The following KCTD20 variants were observed in gnomAD, a reference collection of about 807,000 sequenced individuals.
KCTD20 encodes the protein BTB/POZ domain-containing protein KCTD20.
KCTD20 carries 30 observed loss-of-function variants against 39.6 expected under a neutral mutation model. The ratio of observed to expected loss-of-function variants is 0.76; its 90% CI spans 0.57 to 1.03. The LOEUF is 1.03. Among genes scored for constraint, KCTD20 ranks in the 50% least tolerant of loss-of-function variants. The pLI, the probability that KCTD20 is intolerant of heterozygous loss-of-function variation, is 0.00. For missense variants in KCTD20, 422 were observed against 522.0 expected (o/e 0.81, Z 1.87); for synonymous variants, 162 against 180.6 (o/e 0.90, Z 0.83).
intron 1 of KCTD20, among the ~76,000 whole-genome samples, chr6:36,467,276 C>A (rs1775782649): frequency 7.3e-6 from 1 of 137,630 alleles, no homozygotes; most frequent in African/African-American, 2.6e-5. Context: ...CCATTGCACT[C>A]CAGCCTGGGC....
intron 3 of KCTD20, among the ~76,000 whole-genome samples, chr6:36,478,106 G>GAAAAA (rs1280745768): frequency 1.1e-5 from 1 of 89,842 alleles, no homozygotes; most frequent in East Asian, 4.4e-4. Flanking sequence ...AAAAAAAAAA[G>GAAAAA]AAAAGAAAAG....
chr6:36,451,117 G>A (rs942034607), intron 1 of KCTD20: 5 of 152,118 alleles, frequency 3.3e-5, no homozygotes, highest in East Asian at 1.9e-4. Context: ...TTGACATAGC[G>A]CACTACAGCC....
At chr6:36,467,947 A>G (rs891723351) in intron 1 of KCTD20, among the ~76,000 whole-genome samples, 1 of 152,198 alleles carries the variant, frequency 6.6e-6, no homozygotes, top group African/African-American at 2.4e-5. Flanking sequence ...TAAAAACTGT[A>G]TGCTTTCCCC....
Position 36,474,972 on chromosome 6 carries a change from C to T in KCTD20, c.344C>T (p.Ala115Val), listed in dbSNP as rs1464879653. 6.2e-7 allele frequency: 1 copy of T among 1,613,990 alleles called. No homozygotes were observed. Among genetic ancestry groups the T allele is most frequent in the Non-Finnish European group, 8.5e-7 (1 of 1,180,006 alleles). The stretch of plus-strand genomic sequence containing the variant: ...TTTGGCAGTAATTCCCATTCCCAAG[C>T]ACCAGAGAAAGTGACGCTTCTTGTA... ...VGFGSNSHSQ[A>V]PEKVTLLVDG... The change falls in exon 3 of 8, where the codon GCA (alanine) becomes GTA (valine). Residue 115 changes from alanine (A) to valine (V), a missense_variant. Transcript: ENST00000373731.
chr6:36,466,524 G>C (rs1193766681), intron 1 of KCTD20, among the ~76,000 whole-genome samples: 2 of 151,744 alleles, frequency 1.3e-5, no homozygotes, highest in Non-Finnish European at 2.9e-5. Flanking sequence ...TGGGACTACA[G>C]GCATGCACCA....
chr6:36,444,000 G>A lies in KCTD20; in HGVS notation c.-47+889G>A, dbSNP rs560099701. 1.6e-3 allele frequency among the ~76,000 whole-genome samples: 241 copies of A among 152,264 alleles called. 1 individual carries two copies. The highest frequency in any genetic ancestry group is 5.6e-3 in the African/African-American group (234 of 41,538). ...ACAAAGTGTTGTAGTAGTGTCTGTC[G>A]GATGTGATGAATCCAGAGTCAGAGG... On this transcript the variant is annotated intron_variant, in intron 1 of 7. Coordinates refer to ENST00000373731, the MANE Select transcript of KCTD20 (RefSeq NM_173562.5).
intron 2 of KCTD20, 92 bp from the exon 3 acceptor site, chr6:36,474,693 TTTTG>T (rs1299778066): frequency 5.0e-6 from 6 of 1,204,280 alleles, no homozygotes; most frequent in Non-Finnish European, 6.8e-6. Context: ...TTTGGGGGTT[TTTTG>T]TTTGTTTACT....
At chr6:36,466,926 A>G (rs1775772311) in intron 1 of KCTD20, among the ~76,000 whole-genome samples, 1 of 152,132 alleles carries the variant, frequency 6.6e-6, no homozygotes, top group South Asian at 2.1e-4. Context: ...TTTTTGTTCC[A>G]TCATTCTGGG....
chr6:36,448,015 G>GTGTATATATATATATATATATATATA (rs559687288), intron 1 of KCTD20, among the ~76,000 whole-genome samples: 103 of 128,880 alleles, frequency 8.0e-4, no homozygotes, highest in African/African-American at 3.4e-3. Flanking sequence ...ATGTGTGTGT[G>GTGTATATATATATATATATATATATA]TATATATATA....
intron 1 of KCTD20, among the ~76,000 whole-genome samples, chr6:36,455,344 G>A (rs1775400361): frequency 6.6e-6 from 1 of 152,142 alleles, no homozygotes; most frequent in African/African-American, 2.4e-5. Context: ...AGTGGCAGAG[G>A]TTGCAGTGAG....
intron 7 of KCTD20, among the ~76,000 whole-genome samples, chr6:36,485,605 T>C (rs1776394092): frequency 6.6e-6 from 1 of 151,120 alleles, no homozygotes; most frequent in South Asian, 2.1e-4. Context: ...GCCATTCTTC[T>C]GCCTCAGCCT....
At chr6:36,486,586 A>T (rs73729999) in intron 7 of KCTD20, among the ~76,000 whole-genome samples, 116 of 152,298 alleles carry the variant, frequency 7.6e-4, no homozygotes, top group African/African-American at 2.0e-3. Flanking sequence ...TGTTGCCAGC[A>T]ACAACAGGTT....
intron 2 of KCTD20, among the ~76,000 whole-genome samples, chr6:36,473,600 G>A (rs1270221403): frequency 6.6e-6 from 1 of 151,584 alleles, no homozygotes; most frequent in South Asian, 2.1e-4. Flanking sequence ...ATGAAACCTT[G>A]TCTCTACTAA....
chr6:36,483,997 T>C (rs1427761594), intron 6 of KCTD20, among the ~76,000 whole-genome samples: 1 of 150,096 alleles, frequency 6.7e-6, no homozygotes, highest in East Asian at 2.0e-4. Flanking sequence ...TGGAGTGCAA[T>C]GGCGTGATCT....
intron 1 of KCTD20, among the ~76,000 whole-genome samples, chr6:36,444,039 G>C (rs1186172698): frequency 2.0e-5 from 3 of 152,252 alleles, no homozygotes; most frequent in South Asian, 4.1e-4. Flanking sequence ...TCCGCTCAAG[G>C]CCCCCACCTG....
intron 1 of KCTD20, among the ~76,000 whole-genome samples, chr6:36,447,700 T>C (rs2127425509): frequency 6.6e-6 from 1 of 151,858 alleles, no homozygotes; most frequent in South Asian, 2.1e-4. Context: ...ATATTTATAA[T>C]TTATTTCATG....
At chr6:36,448,015 G>GTGTGTGTATATATATATATATATA (rs559687288) in intron 1 of KCTD20, among the ~76,000 whole-genome samples, 18 of 128,950 alleles carry the variant, frequency 1.4e-4, no homozygotes, top group African/African-American at 5.2e-4. Context: ...ATGTGTGTGT[G>GTGTGTGTATATATATATATATATA]TATATATATA....
chr6:36,481,560 AG>A lies in KCTD20; in HGVS notation c.659del, dbSNP rs747193610. The stretch of plus-strand genomic sequence containing the variant: ...ATGTTCACCTACATTTTCTCTCTGC[AG>A]GTGCTTTACTCCATGAACTGTCTAA... On this transcript the variant is annotated splice_acceptor_variant, in intron 5 of 7. Coordinates refer to ENST00000373731, the MANE Select transcript of KCTD20 (RefSeq NM_173562.5). LOFTEE classifies it high-confidence loss of function. The A allele has an allele frequency of 6.8e-6, 11 of 1,612,284 alleles. No individual in the cohort carries two copies. The African/African-American group carries it at 1.1e-4, about 16-fold the overall frequency.
chr6:36,454,403 G>A (rs758771483), intron 1 of KCTD20, among the ~76,000 whole-genome samples: 6 of 149,356 alleles, frequency 4.0e-5, no homozygotes, highest in South Asian at 2.1e-4. Context: ...GTGCAGTGGC[G>A]TGATCTCAGC....
Sources: allele counts gnomAD v4.1 joint callset (sites outside exome capture counted in the v4.1 genomes callset), GRCh38; gene constraint gnomAD v4.1.1; transcripts MANE v1.5; gene names NCBI Gene and HGNC (gene_info 2026-07-23, HGNC 2026-07-21).